CHORDC1: variants seen among roughly 807,000 people sequenced by gnomAD.
CHORDC1 encodes cysteine and histidine-rich domain-containing protein 1.
CHORDC1 carries 25 observed loss-of-function variants against 48.3 expected under a neutral mutation model. The ratio of observed to expected loss-of-function variants is 0.52; its 90% confidence interval spans 0.38 to 0.72. The LOEUF is 0.72. Ranked by LOEUF, CHORDC1 falls within the 30% of genes least tolerant of loss-of-function variation. The pLI is 0.00. For missense variants in CHORDC1, 317 were observed against 388.7 expected (o/e 0.82, Z 1.55); for synonymous variants, 128 against 126.4 (o/e 1.01, Z -0.09).
intron 8 of CHORDC1, among the ~76,000 whole-genome samples, chr11:90,204,449 GGTGGCTC>G (rs560606973): frequency 6.2e-4 from 94 of 152,230 alleles, no homozygotes; most frequent in African/African-American, 2.1e-3. Context: ...GGCCAGGCGC[GGTGGCTC>G]ACGCCTATAA....
chr11:90,214,891 T>TTA (rs1474453223), intron 3 of CHORDC1, among the ~76,000 whole-genome samples: 1 of 152,166 alleles, frequency 6.6e-6, no homozygotes, highest in East Asian at 1.9e-4. Flanking sequence ...TGAAAAGGCT[T>TTA]TAAATTGTTG....
At chr11:90,213,994 A>T (rs758765627) in intron 4 of CHORDC1, 24 bp downstream of exon 4, 15 of 1,576,202 alleles carry the variant, frequency 9.5e-6, no homozygotes, top group Non-Finnish European at 1.2e-5. Context: ...GTGTGACAAA[A>T]ATATGTAACT....
At position 90,205,479 on chromosome 11, in the gene CHORDC1, ATG is replaced by A. The variant is rs1489665840; in HGVS notation, c.648_649del (p.Met217ValfsTer3). 6.2e-7 allele frequency: 1 copy of A among 1,604,524 alleles called. No individual in the cohort carries two copies. The highest frequency in any genetic ancestry group is 8.5e-7 in the Non-Finnish European group (1 of 1,175,154). ...ACTTACAGCATCTTTTTTAGTCCAC[ATG>A]TGTTTCCCTTTTGTACAGCCCTCTT... On this transcript the variant is annotated frameshift_variant, in exon 8 of 11. Transcript: ENST00000320585. LOFTEE classifies it high-confidence loss of function.
chr11:90,203,514 A>G, intron 8 of CHORDC1, 87 bp from the exon 9 acceptor site: 1 of 1,271,206 alleles, frequency 7.9e-7, no homozygotes, highest in South Asian at 1.7e-5. Flanking sequence ...CTGAGAAAAA[A>G]CTACCATGCA....
At chr11:90,215,656 A>G (rs1468162731) in intron 2 of CHORDC1, among the ~76,000 whole-genome samples, 1 of 151,990 alleles carries the variant, frequency 6.6e-6, no homozygotes, top group African/African-American at 2.4e-5. Context: ...TAATTTCACA[A>G]TAAGCATTCT....
intron 4 of CHORDC1, chr11:90,212,802 A>ATT (rs5793442): frequency 0.29 from 43,998 of 151,172 alleles, 7,376 homozygotes; most frequent in East Asian, 0.58. Flanking sequence ...CAGCTAATTT[A>ATT]TTTTTTTTGG....
intron 8 of CHORDC1, 98 bp downstream of exon 8, chr11:90,205,362 C>CT (rs1857651594): frequency 2.9e-5 from 25 of 853,432 alleles, no homozygotes; most frequent in Non-Finnish European, 3.8e-5. Context: ...AAAAAGAAAA[C>CT]TTTTTTTTAA....
intron 4 of CHORDC1, 48 bp downstream of exon 4, chr11:90,213,970 G>A (rs1485510999): frequency 2.1e-6 from 3 of 1,444,134 alleles, no homozygotes; most frequent in Non-Finnish European, 1.9e-6. Flanking sequence ...CCATGCACAA[G>A]TGCTACTATT....
At chr11:90,220,613 A>G (rs796497266) in intron 1 of CHORDC1, among the ~76,000 whole-genome samples, 32 of 152,382 alleles carry the variant, frequency 2.1e-4, no homozygotes, top group African/African-American at 7.5e-4. Context: ...GAACCATACA[A>G]CTAACATGAA....
chr11:90,207,211 T>G (rs1467698029), intron 6 of CHORDC1: 4 of 161,728 alleles, frequency 2.5e-5, no homozygotes, highest in African/African-American at 9.6e-5. Context: ...CCTCATAAGC[T>G]AGCAGATTTT....
intron 1 of CHORDC1, 196 bp downstream of exon 1, chr11:90,222,695 C>T (rs945123780): frequency 1.4e-6 from 1 of 703,210 alleles, no homozygotes; most frequent in Non-Finnish European, 2.6e-6. Flanking sequence ...CGGGGCCGGG[C>T]GCTCGCCAAG....
chr11:90,212,500 C>T (rs2226571), intron 4 of CHORDC1: 64,922 of 151,654 alleles, frequency 0.43, 14,374 homozygotes, highest in East Asian at 0.59. Context: ...CCTATAGTTC[C>T]GGGGAGGGTT....
rs1312127212 is a variant in CHORDC1 at position 90,213,470 on chromosome 11, G to T, written c.329+548C>A. ...TACATGTGTGGGAATACAGAGTCTG[G>T]TTATCAGAAGGCAAGTATGAAGAAT... On this transcript the variant is annotated intron_variant, in intron 4 of 10. Transcript: ENST00000320585. The T allele has an allele frequency of 7.5e-6, 5 of 670,988 alleles. No homozygotes were observed. The African/African-American group carries it at 9.0e-5, about 12-fold the overall frequency. 41.6% of individuals were successfully genotyped at this position (670,988 alleles called of 1,614,324 possible). A position where few individuals can be genotyped will look rare whatever the true frequency, so the allele number is the denominator to read the frequency against.
In CHORDC1 at chr11:90,223,037, C is replaced by T. The variant is rs914200524; in HGVS notation, c.-83G>A. ...TTTGCCACTCCCGTGTCGCTAGCAC[C>T]GGTCTGACGACTGAGGCGGCTACCG... On this transcript the variant is annotated 5_prime_UTR_variant, in exon 1 of 11. Transcript: ENST00000320585. The T allele has an allele frequency of 4.0e-6, 5 of 1,238,964 alleles. No homozygotes were observed. The highest frequency in any genetic ancestry group is 1.9e-5 in the Admixed American group (1 of 52,638). The allele number at this position is 1,238,964 out of a possible 1,614,324, so 76.7% of individuals were successfully genotyped here. A position where few individuals can be genotyped will look rare whatever the true frequency, so the allele number is the denominator to read the frequency against.
Position 90,223,016 on chromosome 11 carries a change from C to G in CHORDC1, c.-62G>C. The G allele has an allele frequency of 7.0e-7, 1 of 1,420,752 alleles. No individual in the cohort carries two copies. Among genetic ancestry groups the G allele is most frequent in the Non-Finnish European group, 9.9e-7 (1 of 1,007,484 alleles). 88.0% of individuals were successfully genotyped at this position (1,420,752 alleles called of 1,614,324 possible). On this transcript the variant is annotated 5_prime_UTR_variant, in exon 1 of 11. Transcript: ENST00000320585. ...CGGGAACGGCAAGAGGATGCGTTTG[C>G]CACTCCCGTGTCGCTAGCACCGGTC...
Position 90,202,559 on chromosome 11 carries a change from A to G in CHORDC1, c.853-8T>C. The G allele has an allele frequency of 2.5e-6, 4 of 1,611,470 alleles. No individual in the cohort carries two copies. Among genetic ancestry groups the G allele is most frequent in the Admixed American group, 3.3e-5 (2 of 59,752 alleles). On this transcript the variant is annotated splice_region_variant and splice_polypyrimidine_tract_variant and intron_variant, in intron 10 of 10. Coordinates refer to ENST00000320585, the MANE Select transcript of CHORDC1 (RefSeq NM_012124.3). ...TCGCTTTACATCAATCACCTGTAACATATCAAAGAGAATTACAGGAAACCT... is the reference window on the plus strand; with the variant it reads ...TCGCTTTACATCAATCACCTGTAACGTATCAAAGAGAATTACAGGAAACCT...
intron 2 of CHORDC1, chr11:90,216,419 A>G: frequency 4.2e-6 from 1 of 240,788 alleles, no homozygotes; most frequent in Non-Finnish European, 8.2e-6. Context: ...CCCTTCTAAT[A>G]TTAAAATAGT....
At position 90,201,580 on chromosome 11, in the gene CHORDC1, C is replaced by G. The variant is rs1007272092; in HGVS notation, c.*825G>C. 1 of 152,256 alleles carries G rather than the reference C, an allele frequency of 6.6e-6. No homozygotes were observed. Among genetic ancestry groups the G allele is most frequent in the African/African-American group, 2.4e-5 (1 of 41,410 alleles). 9.4% of individuals were successfully genotyped at this position (152,256 alleles called of 1,614,324 possible). A position where few individuals can be genotyped will look rare whatever the true frequency, so the allele number is the denominator to read the frequency against. ...TTTATATAGTTTTCCATCAGGGAGG[C>G]AAGATATATATAATTTCTTTTTATA... On this transcript the variant is annotated 3_prime_UTR_variant, in exon 11 of 11. Coordinates refer to ENST00000320585, the MANE Select transcript of CHORDC1 (RefSeq NM_012124.3).
At chr11:90,208,639 T>G (rs962864473) in intron 6 of CHORDC1, 12 of 152,224 alleles carry the variant, frequency 7.9e-5, no homozygotes, top group African/African-American at 2.9e-4. Context: ...ATGGTTATTT[T>G]TACATTAAAC....
Sources: gnomAD v4.1 joint callset for allele counts (sites outside exome capture counted in the v4.1 genomes callset) on GRCh38, gnomAD v4.1.1 for gene constraint, MANE v1.5 for transcripts, NCBI Gene and HGNC (gene_info 2026-07-23, HGNC 2026-07-21) for gene names.